Variants in TRAPPC9 observed in about 807,000 individuals in gnomAD.
The protein encoded by TRAPPC9 is trafficking protein particle complex subunit 9, also known as IKK2 binding protein.
Under a neutral mutation model 124.0 loss-of-function variants are expected in TRAPPC9, and 83 were observed. That is an observed-to-expected ratio of 0.67 (90% CI 0.56 to 0.80). The LOEUF (loss-of-function observed/expected upper bound fraction) is 0.80. Ranked by LOEUF, TRAPPC9 falls within the 30% of genes least tolerant of loss-of-function variation. The probability of loss-of-function intolerance (pLI) is 0.00; values close to 1 mark genes in which losing one functional copy is unlikely to be tolerated. For synonymous variants in TRAPPC9, 638 were observed against 617.5 expected (o/e 1.03, Z -0.49); for missense variants, 1,302 against 1,508.3 (o/e 0.86, Z 2.27).
chr8:140,097,019 G>A lies in TRAPPC9; in HGVS notation c.2557-72940C>T, dbSNP rs1845003974. ...ATGTGAAAACCTGTCCAGGTCGCTG[G>A]TGTATAGCCAGAACAATGGCACGGG... On this transcript the variant is annotated intron_variant, in intron 17 of 22. Transcript: ENST00000438773. The surrounding 1 kb of genome is among the most constrained non-coding windows in gnomAD (Gnocchi z 4.2). The A allele has an allele frequency of 6.6e-6, 1 of 152,378 alleles. No individual in the cohort carries two copies. The highest frequency in any genetic ancestry group is 1.5e-5 in the Non-Finnish European group (1 of 68,140). 9.4% of individuals were successfully genotyped at this position (152,378 alleles called of 1,614,324 possible).
chr8:139,848,570 G>C lies in TRAPPC9; in HGVS notation c.3055+37309C>G, dbSNP rs1827250899. On this transcript the variant is annotated intron_variant, in intron 21 of 22. Transcript: ENST00000438773. ...ATATATATCCAAAATCTATGTGTGT[G>C]CATATAGCTCAAGTTGGATCACCTT... Among the ~76,000 whole-genome samples, 24 of 152,098 alleles carry C rather than the reference G, an allele frequency of 1.6e-4. 1 individual carries two copies. Among genetic ancestry groups the C allele is most frequent in the Admixed American group, 1.6e-3 (24 of 15,284 alleles).
chr8:140,134,983 C>A (rs1237467889), intron 17 of TRAPPC9, among the ~76,000 whole-genome samples: 1 of 152,072 alleles, frequency 6.6e-6, no homozygotes, highest in Non-Finnish European at 1.5e-5. Context: ...CAAAAAATAA[C>A]CCATATTAAA....
intron 9 of TRAPPC9, among the ~76,000 whole-genome samples, chr8:140,337,495 G>A (rs1320614438): frequency 6.6e-6 from 1 of 152,202 alleles, no homozygotes. Flanking sequence ...TGTGACATAT[G>A]AGCCACAGAC....
intron 21 of TRAPPC9, among the ~76,000 whole-genome samples, chr8:139,824,096 G>A (rs919955678): frequency 6.6e-6 from 1 of 152,190 alleles, no homozygotes; most frequent in African/African-American, 2.4e-5. Flanking sequence ...CTTATGGGAG[G>A]GAGGTGATGT....
intron 6 of TRAPPC9, among the ~76,000 whole-genome samples, chr8:140,403,628 T>C (rs2069359525): frequency 1.3e-5 from 2 of 151,688 alleles, no homozygotes; most frequent in East Asian, 1.9e-4. Flanking sequence ...TGGAGGACAA[T>C]ACAGGAATAT....
Position 139,788,189 on chromosome 8 carries a change from C to A in TRAPPC9, c.3056-55987G>T, listed in dbSNP as rs1276820692. Among the ~76,000 whole-genome samples the A allele has an allele frequency of 6.6e-6, 1 of 152,222 alleles. No individual in the cohort carries two copies. The highest frequency in any genetic ancestry group is 2.1e-4 in the South Asian group (1 of 4,830). On this transcript the variant is annotated intron_variant, in intron 21 of 22. Coordinates refer to ENST00000438773, the MANE Select transcript of TRAPPC9 (RefSeq NM_001160372.4). The surrounding 1 kb of genome is among the most constrained non-coding windows in gnomAD (Gnocchi z 4.9). ...GCCTCCCAGATCAAAAACCCACATGCCCCTCTTGGCGCCTGGCAGGGCAGC... is the reference window on the plus strand; with the variant it reads ...GCCTCCCAGATCAAAAACCCACATGACCCTCTTGGCGCCTGGCAGGGCAGC...
Position 139,735,471 on chromosome 8 carries a change from C to T in TRAPPC9, c.3056-3269G>A, listed in dbSNP as rs2129985966. Among the ~76,000 whole-genome samples the T allele has an allele frequency of 3.3e-5, 5 of 152,314 alleles. No individual in the cohort carries two copies. In the South Asian group the frequency reaches 1.0e-3, roughly 32 times the overall value. On this transcript the variant is annotated intron_variant, in intron 21 of 22. Coordinates refer to ENST00000438773, the MANE Select transcript of TRAPPC9 (RefSeq NM_001160372.4). ...TTCTCCCTCCTCTACCTCTGTGCCA[C>T]CCAAGCCAGGCCTCAGTAAATGTTT... is the stretch of plus-strand genomic sequence containing the variant.
intron 9 of TRAPPC9, among the ~76,000 whole-genome samples, chr8:140,330,504 G>C (rs1416476595): frequency 6.6e-6 from 1 of 152,222 alleles, no homozygotes; most frequent in African/African-American, 2.4e-5. Context: ...AGAGTGACCA[G>C]TTGGAGGCCC....
intron 21 of TRAPPC9, among the ~76,000 whole-genome samples, chr8:139,763,471 C>T (rs1820370720): frequency 7.0e-6 from 1 of 142,842 alleles, no homozygotes; most frequent in South Asian, 2.6e-4. Context: ...CCCTCCTTCA[C>T]TCATAGCAAA....
chr8:139,958,901 C>A lies in TRAPPC9; in HGVS notation c.2810+29825G>T, dbSNP rs892760536. ...ACAGAGCACTGCATTCCGAGTCACA[C>A]AGGGGAGCACTGCATTCCGAGTCAC... On this transcript the variant is annotated intron_variant, in intron 19 of 22. Transcript: ENST00000438773. Among the ~76,000 whole-genome samples the A allele has an allele frequency of 2.0e-5, 3 of 149,802 alleles. 1 individual carries two copies. The highest frequency in any genetic ancestry group is 7.6e-5 in the African/African-American group (3 of 39,248).
chr8:140,035,758 T>C (rs1234285053), intron 17 of TRAPPC9, among the ~76,000 whole-genome samples: 1 of 152,206 alleles, frequency 6.6e-6, no homozygotes, highest in Non-Finnish European at 1.5e-5. Flanking sequence ...GACAGGGCAC[T>C]GTGACTTCAC....
At chr8:140,188,819 A>C (rs2062410381) in intron 17 of TRAPPC9, among the ~76,000 whole-genome samples, 1 of 152,176 alleles carries the variant, frequency 6.6e-6, no homozygotes, top group Admixed American at 6.5e-5. Context: ...CACTATCCAC[A>C]GCTGATGGTC....
intron 9 of TRAPPC9, among the ~76,000 whole-genome samples, chr8:140,346,773 T>C (rs924863845): frequency 3.3e-5 from 5 of 152,324 alleles, no homozygotes; most frequent in Admixed American, 6.5e-5. Flanking sequence ...TTCAATCAAA[T>C]ATCAAATATG....
intron 17 of TRAPPC9, among the ~76,000 whole-genome samples, chr8:140,052,011 C>T (rs1041775155): frequency 6.6e-6 from 1 of 152,148 alleles, no homozygotes; most frequent in African/African-American, 2.4e-5. Context: ...TGCAGCTTCT[C>T]TCCAGCACCA....
intron 6 of TRAPPC9, 149 bp from the exon 7 acceptor site, chr8:140,397,894 T>G (rs995788975): frequency 9.9e-7 from 1 of 1,014,884 alleles, no homozygotes; most frequent in Non-Finnish European, 1.5e-6. Context: ...GGTTTGGTTC[T>G]GTGTCCCCAC....
chr8:140,428,257 T>C (rs1250806400), intron 4 of TRAPPC9, among the ~76,000 whole-genome samples: 3 of 152,208 alleles, frequency 2.0e-5, no homozygotes, highest in Non-Finnish European at 4.4e-5. Flanking sequence ...CAGCCTCTAG[T>C]GGACTGATTT....
intron 17 of TRAPPC9, among the ~76,000 whole-genome samples, chr8:140,071,307 C>T (rs1843147755): frequency 2.0e-5 from 3 of 152,214 alleles, no homozygotes; most frequent in Admixed American, 2.0e-4. Context: ...TCGACACTCA[C>T]AGTCTCGCTC....
chr8:140,448,924 C>T (rs2071361021), intron 2 of TRAPPC9, among the ~76,000 whole-genome samples: 2 of 148,642 alleles, frequency 1.3e-5, no homozygotes, highest in South Asian at 2.2e-4. Context: ...TCAGCCAGCA[C>T]AGCAACCCCG....
intron 11 of TRAPPC9, among the ~76,000 whole-genome samples, chr8:140,295,131 G>A (rs370452572): frequency 6.6e-5 from 10 of 152,270 alleles, no homozygotes; most frequent in Admixed American, 2.0e-4. Flanking sequence ...AGGCAGTGGC[G>A]TTTATTGACA....
Sources: gnomAD v4.1 joint callset for allele counts (sites outside exome capture counted in the v4.1 genomes callset) on GRCh38, gnomAD v4.1.1 for gene constraint, Gnocchi (gnomAD v3.1) non-coding constraint, MANE v1.5 for transcripts, NCBI Gene and HGNC (gene_info 2026-07-23, HGNC 2026-07-21) for gene names.